Variants in SLC17A6 observed in about 807,000 individuals in gnomAD.
The protein encoded by SLC17A6 is solute carrier family 17 member 6.
A neutral mutation model predicts 67.1 loss-of-function variants in SLC17A6; 35 were observed. The observed-to-expected ratio is 0.52, with a 90% CI of 0.40 to 0.69. The LOEUF (loss-of-function observed/expected upper bound fraction) is 0.69, where lower values mean the gene tolerates loss of function less well. Among genes scored for constraint, SLC17A6 ranks in the 30% least tolerant of loss-of-function variants. The probability of loss-of-function intolerance (pLI) is 0.00; values close to 1 mark genes in which losing one functional copy is unlikely to be tolerated. For synonymous variants in SLC17A6, 285 were observed against 252.3 expected, an observed-to-expected ratio of 1.13 and a Z score of -1.23; for missense variants, 588 against 723.9, an observed-to-expected ratio of 0.81 and a Z score of 2.15.
chr11:22,358,173 GT>G (rs1408598348), intron 3 of SLC17A6, among the ~76,000 whole-genome samples: 3 of 151,432 alleles, frequency 2.0e-5, no homozygotes, highest in Non-Finnish European at 4.4e-5. Flanking sequence ...TAAGGCTCGT[GT>G]TTGGCTTGAT....
intron 4 of SLC17A6, among the ~76,000 whole-genome samples, chr11:22,359,798 G>A (rs1412697926): frequency 6.8e-6 from 1 of 147,726 alleles, no homozygotes; most frequent in South Asian, 2.2e-4. Context: ...AAAAAAAACA[G>A]GGACTTTTGT....
At chr11:22,375,953 G>A (rs372770957) in intron 9 of SLC17A6, 29 bp from the exon 10 acceptor site, 64 of 1,544,702 alleles carry the variant, frequency 4.1e-5, no homozygotes, top group Non-Finnish European at 5.3e-5. Context: ...AAAAATTTCT[G>A]AAGAATTTCT....
chr11:22,375,335 G>A (rs1331031131), intron 9 of SLC17A6, among the ~76,000 whole-genome samples: 1 of 151,570 alleles, frequency 6.6e-6, no homozygotes, highest in Non-Finnish European at 1.5e-5. Context: ...TCACACCATT[G>A]CACTCCAGCC....
rs1855781290 is a variant in SLC17A6, at chr11:22,339,168, ATATATATAT to A, written c.86+550_86+558del. 5.1e-5 allele frequency among the ~76,000 whole-genome samples: 3 copies of A among 59,250 alleles called. No individual in the cohort carries two copies. The Admixed American group carries it at 6.6e-4, about 13-fold the overall frequency. The allele number at this position is 59,250 out of a possible 152,430, so 38.9% of individuals were successfully genotyped here. On this transcript the variant is annotated intron_variant, in intron 1 of 11. Transcript: ENST00000263160. ...TTATATATAGTTATATATATATGTT[ATATATATAT>A]GTTTTATATATATATATATATATAT...
At position 22,343,250 on chromosome 11, in the gene SLC17A6, G is replaced by C; in HGVS notation, c.343G>C (p.Ala115Pro). Residue 115 changes from alanine to proline, a missense_variant, in exon 3 of 12, where the codon GCC (alanine) becomes CCC (proline). This residue lies in a region of SLC17A6 where 48 missense variants were observed against 36.5 expected (regional missense o/e 1.32). Coordinates refer to ENST00000263160, the MANE Select transcript of SLC17A6 (RefSeq NM_020346.3). The part of the protein sequence containing the change: ...HRGGKVIKEK[A>P]KFNWDPETVG... ...CTTTTTTCCTACCCCTCCATAGAAA[G>C]CCAAATTCAACTGGGACCCGGAAAC... The C allele has an allele frequency of 6.2e-7, 1 of 1,613,564 alleles. No homozygotes were observed.
intron 5 of SLC17A6, chr11:22,362,203 C>G: frequency 2.3e-6 from 1 of 432,688 alleles, no homozygotes; most frequent in East Asian, 6.3e-5. Flanking sequence ...AGGGGAAAAA[C>G]GTGATAACTT....
intron 3 of SLC17A6, among the ~76,000 whole-genome samples, chr11:22,350,891 G>A (rs139099371): frequency 0.025 from 3,846 of 152,104 alleles, 71 homozygotes; most frequent in African/African-American, 0.041. Flanking sequence ...TGAGTTTACT[G>A]TTAAAAATTG....
In SLC17A6 at chr11:22,338,458, A is replaced by ACAATATGC; in HGVS notation, c.-75_-68dup. 1 of 1,071,766 alleles carries ACAATATGC rather than the reference A, an allele frequency of 9.3e-7. No homozygotes were observed. Among genetic ancestry groups the ACAATATGC allele is most frequent in the Non-Finnish European group, 1.4e-6 (1 of 699,994 alleles). The allele number at this position is 1,071,766 out of a possible 1,614,324, so 66.4% of individuals were successfully genotyped here. A position where few individuals can be genotyped will look rare whatever the true frequency, so the allele number is the denominator to read the frequency against. On this transcript the variant is annotated 5_prime_UTR_variant, in exon 1 of 12. In the 5' UTR this introduces an upstream ATG that the reference lacks. Coordinates refer to ENST00000263160, the MANE Select transcript of SLC17A6 (RefSeq NM_020346.3). The stretch of plus-strand genomic sequence containing the variant: ...CCCGCAACTACTTTAAGAGATTAAG[A>ACAATATGC]CAATATGCGCAATCCTCGCCTTTCC...
At chr11:22,368,239 C>T (rs1300804881) in intron 7 of SLC17A6, among the ~76,000 whole-genome samples, 3 of 151,948 alleles carry the variant, frequency 2.0e-5, no homozygotes, top group African/African-American at 7.2e-5. Flanking sequence ...ATTTCTAATA[C>T]CATCTATATT....
intron 3 of SLC17A6, among the ~76,000 whole-genome samples, chr11:22,348,614 G>T (rs1001526653): frequency 1.3e-5 from 2 of 152,138 alleles, no homozygotes; most frequent in African/African-American, 2.4e-5. Flanking sequence ...AACATGACTG[G>T]GTGTAGATTA....
intron 7 of SLC17A6, among the ~76,000 whole-genome samples, chr11:22,369,322 G>A (rs1856147469): frequency 6.6e-6 from 1 of 151,936 alleles, no homozygotes; most frequent in African/African-American, 2.4e-5. Context: ...ATGCAAAGCT[G>A]ATCATATTTA....
At chr11:22,358,025 C>A (rs981663202) in intron 3 of SLC17A6, among the ~76,000 whole-genome samples, 2 of 152,140 alleles carry the variant, frequency 1.3e-5, no homozygotes, top group Non-Finnish European at 2.9e-5. Flanking sequence ...TTTGGGATGT[C>A]ATTTCTCACC....
chr11:22,366,267 C>T (rs1331901579), intron 7 of SLC17A6, among the ~76,000 whole-genome samples: 2 of 150,610 alleles, frequency 1.3e-5, no homozygotes, highest in Non-Finnish European at 3.0e-5. Flanking sequence ...AGTGAATGTG[C>T]CCCCCCCACC....
chr11:22,376,212 A>G, intron 10 of SLC17A6, 120 bp downstream of exon 10: 1 of 589,722 alleles, frequency 1.7e-6, no homozygotes, highest in South Asian at 3.4e-5. Context: ...GTTGAATAAT[A>G]GTCAAATATT....
At chr11:22,356,397 C>A (rs1855993492) in intron 3 of SLC17A6, among the ~76,000 whole-genome samples, 1 of 151,976 alleles carries the variant, frequency 6.6e-6, no homozygotes. Context: ...ATTTTAATTA[C>A]TTAGATATTA....
At chr11:22,341,872 T>G in intron 2 of SLC17A6, 92 bp downstream of exon 2, 2 of 1,530,956 alleles carry the variant, frequency 1.3e-6, no homozygotes, top group Non-Finnish European at 8.8e-7. Flanking sequence ...CCCCCGCCAC[T>G]GAGAGGAAGG....
At chr11:22,357,730 T>G (rs970979852) in intron 3 of SLC17A6, among the ~76,000 whole-genome samples, 4 of 152,212 alleles carry the variant, frequency 2.6e-5, no homozygotes, top group Non-Finnish European at 5.9e-5. Flanking sequence ...TCATCGTACC[T>G]CTAAAACAAT....
intron 7 of SLC17A6, among the ~76,000 whole-genome samples, chr11:22,366,092 T>C (rs1209008417): frequency 6.6e-6 from 1 of 152,084 alleles, no homozygotes; most frequent in Non-Finnish European, 1.5e-5. Flanking sequence ...CCTGAACAGA[T>C]CTATTCCAAG....
intron 3 of SLC17A6, among the ~76,000 whole-genome samples, chr11:22,347,675 T>C (rs1418672645): frequency 1.3e-5 from 2 of 152,190 alleles, no homozygotes; most frequent in Non-Finnish European, 2.9e-5. Context: ...ATTATTCAAA[T>C]TGAAATTATT....
Sources: allele counts gnomAD v4.1 joint callset (sites outside exome capture counted in the v4.1 genomes callset), GRCh38; gene constraint gnomAD v4.1.1; regional missense constraint gnomAD v4.1.1; transcripts MANE v1.5; gene names NCBI Gene and HGNC (gene_info 2026-07-23, HGNC 2026-07-21).